Variants in SNX29 observed in about 807,000 individuals in gnomAD.
The protein encoded by SNX29 is sorting nexin 29, also known as sorting nexin-29.
In SNX29, 78 loss-of-function variants were observed where a neutral mutation model predicts 102.1. The ratio of observed to expected loss-of-function variants is 0.76; its 90% CI spans 0.64 to 0.92. The LOEUF is 0.92. Ranked by LOEUF, SNX29 falls within the 40% of genes least tolerant of loss-of-function variation. SNX29 has a pLI of 0.00. For missense variants in SNX29, 1,280 were observed against 1,061.7 expected (o/e 1.21, Z -2.86); for synonymous variants, 580 against 414.5 (o/e 1.40, Z -4.85).
chr16:12,548,655 C>T (rs576534347), intron 20 of SNX29, among the ~76,000 whole-genome samples: 2 of 152,180 alleles, frequency 1.3e-5, no homozygotes, highest in South Asian at 4.1e-4. Context: ...CATTTGGTGT[C>T]AACTCAGCAA....
intron 13 of SNX29, among the ~76,000 whole-genome samples, chr16:12,171,894 C>T (rs1468466951): frequency 6.6e-6 from 1 of 152,186 alleles, no homozygotes; most frequent in Non-Finnish European, 1.5e-5. Context: ...TGTGCACTGT[C>T]AGGCAATTCC....
At chr16:12,294,915 G>A (rs901465407) in intron 15 of SNX29, among the ~76,000 whole-genome samples, 5 of 152,172 alleles carry the variant, frequency 3.3e-5, no homozygotes, top group African/African-American at 9.7e-5. Context: ...AGGCTTAATG[G>A]AGTCACAGTT....
intron 20 of SNX29, among the ~76,000 whole-genome samples, chr16:12,542,963 G>A (rs1255382372): frequency 6.6e-6 from 1 of 152,104 alleles, no homozygotes; most frequent in Non-Finnish European, 1.5e-5. Context: ...AAGCAGAAAA[G>A]AAGTACTTAC....
chr16:12,314,283 G>A (rs981800833), intron 15 of SNX29, among the ~76,000 whole-genome samples: 1 of 152,266 alleles, frequency 6.6e-6, no homozygotes, highest in Admixed American at 6.5e-5. Flanking sequence ...ACAGGCATGA[G>A]CCACTGTACC....
chr16:12,409,280 A>G (rs2084296861), intron 18 of SNX29, among the ~76,000 whole-genome samples: 2 of 152,170 alleles, frequency 1.3e-5, no homozygotes, highest in African/African-American at 4.8e-5. Flanking sequence ...TCTTGTTAAC[A>G]CACATTTTGG....
At chr16:12,208,412 C>CTTGGAG (rs2077100130) in intron 14 of SNX29, among the ~76,000 whole-genome samples, 2 of 123,804 alleles carry the variant, frequency 1.6e-5, no homozygotes, top group African/African-American at 6.4e-5. Context: ...TTTGTAAGCT[C>CTTGGAG]TCAGAAGGAA....
intron 14 of SNX29, among the ~76,000 whole-genome samples, chr16:12,241,747 C>T (rs2078111139): frequency 6.6e-6 from 1 of 152,224 alleles, no homozygotes; most frequent in Non-Finnish European, 1.5e-5. Flanking sequence ...CAGGCATGAG[C>T]CACCAGGCCC....
At chr16:12,336,426 G>A (rs1195926666) in intron 15 of SNX29, among the ~76,000 whole-genome samples, 3 of 152,204 alleles carry the variant, frequency 2.0e-5, no homozygotes, top group Non-Finnish European at 2.9e-5. Context: ...TGTTGAGATT[G>A]GCCTGGACGT....
intron 15 of SNX29, among the ~76,000 whole-genome samples, chr16:12,335,661 G>C (rs1365317099): frequency 5.9e-5 from 9 of 152,216 alleles, no homozygotes; most frequent in African/African-American, 2.2e-4. Context: ...GGGTGACGGA[G>C]TGAGACCGTG....
chr16:12,539,200 A>T (rs2077213129), intron 20 of SNX29, among the ~76,000 whole-genome samples: 1 of 152,294 alleles, frequency 6.6e-6, no homozygotes, highest in African/African-American at 2.4e-5. Context: ...AGATTTGAGT[A>T]ACCACCATCA....
At chr16:12,461,969 AAAAAAAAAAATAT>A (rs1170182799) in intron 18 of SNX29, among the ~76,000 whole-genome samples, 2 of 75,238 alleles carry the variant, frequency 2.7e-5, no homozygotes, top group African/African-American at 1.4e-4. Context: ...AAAAAAAAAA[AAAAAAAAAAATAT>A]ATATATATAT....
intron 20 of SNX29, among the ~76,000 whole-genome samples, chr16:12,539,618 G>A (rs1356609979): frequency 2.6e-5 from 4 of 152,204 alleles, no homozygotes; most frequent in African/African-American, 4.8e-5. Flanking sequence ...GTTGAGGACT[G>A]GATCCTATGC....
chr16:12,095,925 C>G (rs1596866782), intron 11 of SNX29, among the ~76,000 whole-genome samples: 1 of 152,208 alleles, frequency 6.6e-6, no homozygotes, highest in South Asian at 2.1e-4. Context: ...GCTAGTGAGG[C>G]GTTCTGGCTC....
chr16:12,506,887 T>C (rs970301856), intron 19 of SNX29, among the ~76,000 whole-genome samples: 13 of 149,830 alleles, frequency 8.7e-5, no homozygotes, highest in African/African-American at 3.2e-4. Flanking sequence ...AGGCTTGTCC[T>C]TAACGCAGTG....
rs543329217 is a variant in SNX29 at position 12,079,014 on chromosome 16, C to A, written c.1402+99C>A. 23 of 1,051,116 alleles carry A rather than the reference C, an allele frequency of 2.2e-5. No individual in the cohort carries two copies. The South Asian group carries it at 3.6e-4, about 17-fold the overall frequency. 65.1% of individuals were successfully genotyped at this position (1,051,116 alleles called of 1,614,324 possible). A position where few individuals can be genotyped will look rare whatever the true frequency, so the allele number is the denominator to read the frequency against. ...GCTTCTAACCCTGTGACTGTGGGTT[C>A]ACGTCAGGTGTGTACGTCCCTGGTT... On this transcript the variant is annotated intron_variant, in intron 11 of 20. Transcript: ENST00000566228.
chr16:12,132,770 A>G (rs2054515057), intron 13 of SNX29, among the ~76,000 whole-genome samples: 1 of 152,254 alleles, frequency 6.6e-6, no homozygotes, highest in African/African-American at 2.4e-5. Context: ...GGTGTCTGAA[A>G]GTTTGCAGTC....
intron 15 of SNX29, among the ~76,000 whole-genome samples, chr16:12,318,168 G>A (rs1360916849): frequency 6.6e-6 from 1 of 152,252 alleles, no homozygotes; most frequent in African/African-American, 2.4e-5. Flanking sequence ...GAGGGCGGCA[G>A]AGCCAGGATT....
intron 14 of SNX29, among the ~76,000 whole-genome samples, chr16:12,255,061 A>G (rs767721272): frequency 5.9e-5 from 9 of 152,200 alleles, no homozygotes; most frequent in Admixed American, 1.3e-4. Context: ...ATGGTGTACA[A>G]TGTGCTGTTT....
intron 20 of SNX29, among the ~76,000 whole-genome samples, chr16:12,560,069 C>T (rs532085162): frequency 4.6e-5 from 7 of 152,150 alleles, no homozygotes; most frequent in Non-Finnish European, 8.8e-5. Flanking sequence ...AACTATGTAA[C>T]TACTGTCCTA....
Sources: gnomAD v4.1 joint callset for allele counts (sites outside exome capture counted in the v4.1 genomes callset) on GRCh38, gnomAD v4.1.1 for gene constraint, MANE v1.5 for transcripts, NCBI Gene and HGNC (gene_info 2026-07-23, HGNC 2026-07-21) for gene names.